The following GRAP2 variants were observed in gnomAD, a reference collection of about 807,000 sequenced individuals.
GRAP2 encodes the protein GRB2 related adaptor protein 2.
Under a neutral mutation model 43.5 loss-of-function variants are expected in GRAP2, and 31 were observed. The observed-to-expected ratio is 0.71, with a 90% CI of 0.54 to 0.96. The LOEUF is 0.96. Ranked by LOEUF, GRAP2 falls within the 40% of genes least tolerant of loss-of-function variation. GRAP2 has a pLI of 0.00. For missense variants in GRAP2, 371 were observed against 424.4 expected (o/e 0.87, Z 1.11); for synonymous variants, 156 against 164.8 (o/e 0.95, Z 0.41).
chr22:39,938,352 G>A (rs2066828826), intron 1 of GRAP2, among the ~76,000 whole-genome samples: 1 of 152,256 alleles, frequency 6.6e-6, no homozygotes. Context: ...GGACTCTCCA[G>A]TTGTGTAAAG....
chr22:39,956,938 C>G (rs572553057), intron 3 of GRAP2, among the ~76,000 whole-genome samples: 2 of 152,242 alleles, frequency 1.3e-5, no homozygotes, highest in South Asian at 4.1e-4. Flanking sequence ...TCACCAGGCT[C>G]TCACCCTTCA....
In GRAP2 at chr22:39,966,091, A is replaced by G. The variant is rs1322329825; in HGVS notation, c.392A>G (p.Tyr131Cys). The change falls in exon 5 of 8, where the codon TAC (tyrosine) becomes TGC (cysteine). Residue 131 changes from tyrosine to cysteine, a missense_variant. Transcript: ENST00000344138. ...CCATCCCTAAATAAGCTGGTAGACTACTACAGGACAAATTCCATCTCCAGA... is the reference window on the plus strand; with the variant it reads ...CCATCCCTAAATAAGCTGGTAGACTGCTACAGGACAAATTCCATCTCCAGA... ...KFPSLNKLVD[Y>C]YRTNSISRQK... The G allele has an allele frequency of 1.2e-6, 2 of 1,613,714 alleles. No individual in the cohort carries two copies. The highest frequency in any genetic ancestry group is 8.5e-7 in the Non-Finnish European group (1 of 1,179,654).
At chr22:39,919,131 G>C (rs532531645) in intron 1 of GRAP2, among the ~76,000 whole-genome samples, 10 of 152,024 alleles carry the variant, frequency 6.6e-5, no homozygotes, top group Admixed American at 1.3e-4. Context: ...GTGTGACCCT[G>C]TCTCTAAAGA....
At chr22:39,956,955 G>C (rs2067059980) in intron 3 of GRAP2, among the ~76,000 whole-genome samples, 1 of 152,096 alleles carries the variant, frequency 6.6e-6, no homozygotes, top group Non-Finnish European at 1.5e-5. Flanking sequence ...TTCACTCAGT[G>C]GGTGGACAGA....
intron 1 of GRAP2, among the ~76,000 whole-genome samples, chr22:39,946,227 T>C (rs2066921283): frequency 6.6e-6 from 1 of 152,220 alleles, no homozygotes; most frequent in Non-Finnish European, 1.5e-5. Context: ...ATTTTATAGA[T>C]GAGGAAATGG....
intron 1 of GRAP2, among the ~76,000 whole-genome samples, chr22:39,913,419 A>G (rs982336333): frequency 2.6e-5 from 4 of 152,206 alleles, no homozygotes; most frequent in Admixed American, 2.6e-4. Flanking sequence ...TAAATCCAGT[A>G]AGATGAAGAC....
chr22:39,955,916 T>G lies in GRAP2; in HGVS notation c.170+6T>G. On this transcript the variant is annotated splice_donor_region_variant and intron_variant, in intron 3 of 7. Transcript: ENST00000344138. ...ATAGACATCCAGTTTCCCAAGTAAG[T>G]ATCTGCAGCCTGCTGAGATGGGCCT... is the stretch of plus-strand genomic sequence containing the variant. 1 of 1,334,494 alleles carries G rather than the reference T, an allele frequency of 7.5e-7. No homozygotes were observed. Among genetic ancestry groups the G allele is most frequent in the Non-Finnish European group, 1.1e-6 (1 of 924,496 alleles). The allele number at this position is 1,334,494 out of a possible 1,614,324, so 82.7% of individuals were successfully genotyped here.
At chr22:39,965,110 C>T (rs1250794630) in intron 4 of GRAP2, among the ~76,000 whole-genome samples, 1 of 152,214 alleles carries the variant, frequency 6.6e-6, no homozygotes, top group Non-Finnish European at 1.5e-5. Context: ...TATCATTTCA[C>T]AGGGCGCAGT....
In GRAP2 at chr22:39,966,116, A is replaced by G; in HGVS notation, c.417A>G (p.Arg139=). 1.2e-6 allele frequency: 2 copies of G among 1,614,126 alleles called. No individual in the cohort carries two copies. Among genetic ancestry groups the G allele is most frequent in the Non-Finnish European group, 1.7e-6 (2 of 1,179,962 alleles). ...VDYYRTNSIS[R]QKQIFLRDRT... ...ACTACAGGACAAATTCCATCTCCAG[A>G]CAGAAGCAGATCTTCCTTAGAGACA... Residue 139 remains arginine (R), a synonymous_variant, in exon 5 of 8, where the codon AGA becomes AGG. Transcript: ENST00000344138.
At chr22:39,899,753 C>T (rs1039982136), upstream of GRAP2, among the ~76,000 whole-genome samples, 18 of 151,940 alleles carry the variant, frequency 1.2e-4, no homozygotes, top group African/African-American at 4.1e-4. Flanking sequence ...GAGGTTGAGG[C>T]GGGCGGATCA....
At chr22:39,918,071 A>G (rs1369105977) in intron 1 of GRAP2, among the ~76,000 whole-genome samples, 2 of 152,236 alleles carry the variant, frequency 1.3e-5, no homozygotes, top group Admixed American at 1.3e-4. Flanking sequence ...CAGATGTTAC[A>G]GAGAATGAAT....
intron 6 of GRAP2, among the ~76,000 whole-genome samples, chr22:39,968,864 C>T (rs2067206759): frequency 2.0e-5 from 3 of 152,224 alleles, no homozygotes; most frequent in South Asian, 2.1e-4. Context: ...TCCAGCAACC[C>T]CCCACGCTGC....
intron 1 of GRAP2, among the ~76,000 whole-genome samples, chr22:39,914,115 T>TAAAAAAA (rs1273182761): frequency 6.6e-6 from 1 of 152,126 alleles, no homozygotes; most frequent in Non-Finnish European, 1.5e-5. Flanking sequence ...CTGCTTGAAA[T>TAAAAAAA]AGTTACCACC....
intron 1 of GRAP2, among the ~76,000 whole-genome samples, chr22:39,928,689 A>G (rs981032770): frequency 2.6e-5 from 4 of 152,194 alleles, no homozygotes; most frequent in Non-Finnish European, 5.9e-5. Flanking sequence ...ATTTACCAAG[A>G]GATAGTGCGA....
At position 39,904,934 on chromosome 22, in the gene GRAP2, G is replaced by A. The variant is rs1372816918; in HGVS notation, c.-15+3604G>A. Among the ~76,000 whole-genome samples the A allele has an allele frequency of 2.0e-5, 3 of 152,068 alleles. No individual in the cohort carries two copies. The East Asian group carries it at 5.8e-4, about 29-fold the overall frequency. On this transcript the variant is annotated intron_variant, in intron 1 of 7. Coordinates refer to ENST00000344138, the MANE Select transcript of GRAP2 (RefSeq NM_004810.4). ...TTATTTCTCATAAGCTCCAAGTTAG[G>A]ACTAAAAGCATGATTTGATTTTGAT... is the stretch of plus-strand genomic sequence containing the variant.
intron 2 of GRAP2, 109 bp from the exon 3 acceptor site, chr22:39,955,710 C>T: frequency 1.6e-6 from 1 of 631,222 alleles, no homozygotes; most frequent in Non-Finnish European, 2.9e-6. Flanking sequence ...AACTTATTAA[C>T]ATATTTTCCT....
At chr22:39,945,165 C>G (rs928467698) in intron 1 of GRAP2, among the ~76,000 whole-genome samples, 1 of 152,194 alleles carries the variant, frequency 6.6e-6, no homozygotes, top group Admixed American at 6.5e-5. Context: ...TTTAATTTGC[C>G]TTCGATAGAT....
chr22:39,908,061 A>G (rs972339874), intron 1 of GRAP2, among the ~76,000 whole-genome samples: 1 of 152,184 alleles, frequency 6.6e-6, no homozygotes, highest in Non-Finnish European at 1.5e-5. Context: ...TAAACAAGTC[A>G]CCTAACTTCC....
chr22:39,908,449 G>A (rs969424178), intron 1 of GRAP2, among the ~76,000 whole-genome samples: 1 of 152,158 alleles, frequency 6.6e-6, no homozygotes, highest in Non-Finnish European at 1.5e-5. Context: ...TACCCCTCTT[G>A]GGTAGTTCAG....
Sources: gnomAD v4.1 joint callset for allele counts (sites outside exome capture counted in the v4.1 genomes callset) on GRCh38, gnomAD v4.1.1 for gene constraint, MANE v1.5 for transcripts, NCBI Gene and HGNC (gene_info 2026-07-23, HGNC 2026-07-21) for gene names.